The following NRG1 variants were observed in gnomAD, a reference collection of about 807,000 sequenced individuals.
The protein encoded by NRG1 is neuregulin 1.
In NRG1, 18 loss-of-function variants were observed where a neutral mutation model predicts 63.8. The ratio of observed to expected loss-of-function variants is 0.28; its 90% confidence interval spans 0.19 to 0.42. NRG1 has a LOEUF of 0.42. Ranked by LOEUF, NRG1 falls within the 10% of genes least tolerant of loss-of-function variation. The pLI is 1.00. For synonymous variants in NRG1, 302 were observed against 301.3 expected (o/e 1.00, Z -0.02); for missense variants, 762 against 814.7 (o/e 0.94, Z 0.79).
chr8:31,869,941 T>C (rs1475979625), intron 1 of NRG1, among the ~76,000 whole-genome samples: 1 of 152,156 alleles, frequency 6.6e-6, no homozygotes, highest in Non-Finnish European at 1.5e-5. Flanking sequence ...TTTCCAGACA[T>C]TTCTAAAAGC....
chr8:32,186,503 A>AT (rs1030667494), intron 1 of NRG1, among the ~76,000 whole-genome samples: 21 of 152,088 alleles, frequency 1.4e-4, no homozygotes, highest in Middle Eastern at 3.4e-3. Flanking sequence ...AGAAAAAAAA[A>AT]GAAAGAAAGA....
chr8:31,982,913 C>T (rs1249419980), intron 1 of NRG1, among the ~76,000 whole-genome samples: 1 of 152,012 alleles, frequency 6.6e-6, no homozygotes, highest in Admixed American at 6.6e-5. Context: ...GCCGAGTAAT[C>T]AGTGCCAGTT....
intron 1 of NRG1, among the ~76,000 whole-genome samples, chr8:32,500,582 T>A (rs1827748319): frequency 6.6e-6 from 1 of 152,232 alleles, no homozygotes; most frequent in Non-Finnish European, 1.5e-5. Flanking sequence ...TCCAATTGTG[T>A]TCTGTTCCAA....
At chr8:31,720,122 T>G (rs1812761174) in intron 1 of NRG1, among the ~76,000 whole-genome samples, 1 of 152,208 alleles carries the variant, frequency 6.6e-6, no homozygotes. Flanking sequence ...AACGCTTGTT[T>G]GTATCTCTAT....
chr8:32,464,863 A>G (rs1822855265), intron 1 of NRG1, among the ~76,000 whole-genome samples: 1 of 152,140 alleles, frequency 6.6e-6, no homozygotes, highest in Admixed American at 6.6e-5. Context: ...AAGCTCTGTC[A>G]TGATTTATGA....
At chr8:31,660,099 A>C (rs1013674630) in intron 1 of NRG1, among the ~76,000 whole-genome samples, 3 of 152,228 alleles carry the variant, frequency 2.0e-5, no homozygotes, top group African/African-American at 7.2e-5. Context: ...TATATACTAC[A>C]TGTAGAAATG....
intron 1 of NRG1, among the ~76,000 whole-genome samples, chr8:32,297,415 T>C (rs1300192101): frequency 6.6e-6 from 1 of 151,818 alleles, no homozygotes; most frequent in East Asian, 2.1e-4. Flanking sequence ...AGAGGGATGA[T>C]GTAATGTATA....
chr8:31,658,599 A>G (rs1342367874), intron 1 of NRG1, among the ~76,000 whole-genome samples: 2 of 152,116 alleles, frequency 1.3e-5, no homozygotes, highest in Non-Finnish European at 2.9e-5. Flanking sequence ...GGTAGCTGGG[A>G]TTATAGACAT....
intron 1 of NRG1, among the ~76,000 whole-genome samples, chr8:31,833,335 T>G (rs1292237343): frequency 6.6e-6 from 1 of 152,238 alleles, no homozygotes; most frequent in Admixed American, 6.5e-5. Context: ...TGTCCTATCC[T>G]TGTTCAGCTT....
rs1563383410 is a variant in NRG1 at position 31,772,504 on chromosome 8, ATCTATTC to A, written c.37+133077_37+133083del. Among the ~76,000 whole-genome samples the A allele has an allele frequency of 2.6e-5, 4 of 152,264 alleles. No homozygotes were observed. In the East Asian group the frequency reaches 5.8e-4, roughly 22 times the overall value. Reference sequence around the variant, plus strand: ...AACAATCCTTCCATCTCCTAGTAGTATCTATTCTCTTCTAGCAACTTTTTTTTTAAAT... The same window carrying A: ...AACAATCCTTCCATCTCCTAGTAGTATCTTCTAGCAACTTTTTTTTTAAAT... On this transcript the variant is annotated intron_variant, in intron 1 of 10. Coordinates refer to the NRG1 transcript ENST00000519301.
At chr8:31,934,849 T>C (rs1429522502) in intron 1 of NRG1, among the ~76,000 whole-genome samples, 1 of 152,204 alleles carries the variant, frequency 6.6e-6, no homozygotes, top group Non-Finnish European at 1.5e-5. Context: ...TTCACTGACA[T>C]ACTAAGCACT....
intron 1 of NRG1, among the ~76,000 whole-genome samples, chr8:32,460,242 T>C (rs1766896237): frequency 1.3e-5 from 2 of 152,230 alleles, no homozygotes; most frequent in East Asian, 1.9e-4. Flanking sequence ...CAGCTTCTTG[T>C]GTGTGCTAAT....
chr8:31,914,139 A>G (rs536005304), intron 1 of NRG1, among the ~76,000 whole-genome samples: 3 of 152,192 alleles, frequency 2.0e-5, no homozygotes, highest in Non-Finnish European at 4.4e-5. Context: ...CGTCCTTCTT[A>G]GAAAAGGAGA....
intron 1 of NRG1, among the ~76,000 whole-genome samples, chr8:32,462,183 T>C (rs187204372): frequency 6.6e-6 from 1 of 152,312 alleles, no homozygotes; most frequent in East Asian, 1.9e-4. Flanking sequence ...TTGGAGGTTT[T>C]ACGAAAAGGA....
chr8:31,903,148 C>CT (rs35433200), intron 1 of NRG1, among the ~76,000 whole-genome samples: 27,863 of 125,286 alleles, frequency 0.22, 3,646 homozygotes, highest in South Asian at 0.35. Context: ...GAGCCTTCAA[C>CT]TTTTTTTTTT....
chr8:32,008,524 C>A (rs970258844), intron 1 of NRG1, among the ~76,000 whole-genome samples: 7 of 151,954 alleles, frequency 4.6e-5, no homozygotes, highest in African/African-American at 1.4e-4. Flanking sequence ...TAAATATTTT[C>A]TTGAGTAGAA....
At chr8:31,823,399 T>C (rs1256883925) in intron 1 of NRG1, among the ~76,000 whole-genome samples, 1 of 152,100 alleles carries the variant, frequency 6.6e-6, no homozygotes, top group African/African-American at 2.4e-5. Context: ...ATGCTAAAAT[T>C]GTGTGAACTA....
At chr8:31,803,677 A>G (rs1336424895) in intron 1 of NRG1, among the ~76,000 whole-genome samples, 1 of 152,194 alleles carries the variant, frequency 6.6e-6, no homozygotes, top group African/African-American at 2.4e-5. Context: ...ACCTTTTAAA[A>G]AGTATAATTT....
intron 1 of NRG1, among the ~76,000 whole-genome samples, chr8:32,467,416 C>G (rs1823208451): frequency 6.6e-6 from 1 of 152,130 alleles, no homozygotes; most frequent in African/African-American, 2.4e-5. Flanking sequence ...GAGTATGCAG[C>G]CTTTTTATCG....
Sources: gnomAD v4.1 joint callset for allele counts (sites outside exome capture counted in the v4.1 genomes callset) on GRCh38, gnomAD v4.1.1 for gene constraint, MANE v1.5 for transcripts, NCBI Gene and HGNC (gene_info 2026-07-23, HGNC 2026-07-21) for gene names.